Variants in RBFOX1 observed in about 807,000 individuals in gnomAD.
The protein encoded by RBFOX1 is RNA binding fox-1 homolog 1, also known as RNA binding protein fox-1 homolog 1.
Under a neutral mutation model 57.7 loss-of-function variants are expected in RBFOX1, and 8 were observed. The observed-to-expected ratio is 0.14, with a 90% CI of 0.08 to 0.25. RBFOX1 has a LOEUF of 0.25. Ranked by LOEUF, RBFOX1 falls within the 10% of genes least tolerant of loss-of-function variation. The pLI, the probability that RBFOX1 is intolerant of heterozygous loss-of-function variation, is 1.00. For synonymous variants in RBFOX1, 326 were observed against 222.4 expected, an observed-to-expected ratio of 1.47 and a Z score of -4.15; for missense variants, 611 against 548.5, an observed-to-expected ratio of 1.11 and a Z score of -1.14.
At chr16:5,581,288 C>A (rs1409179956) in intron 2 of RBFOX1, among the ~76,000 whole-genome samples, 2 of 152,188 alleles carry the variant, frequency 1.3e-5, no homozygotes, top group African/African-American at 4.8e-5. Flanking sequence ...AAGGAATAGA[C>A]TTTGGGCGGA....
chr16:7,037,062 C>T (rs553528149), intron 3 of RBFOX1, among the ~76,000 whole-genome samples: 15 of 152,174 alleles, frequency 9.9e-5, no homozygotes, highest in African/African-American at 1.4e-4. Flanking sequence ...AGGTCACCTT[C>T]GTCACCATCT....
intron 6 of RBFOX1, among the ~76,000 whole-genome samples, chr16:7,581,329 A>G (rs189152853): frequency 6.6e-5 from 10 of 152,292 alleles, no homozygotes; most frequent in Non-Finnish European, 1.3e-4. Context: ...TCAAAGTGAG[A>G]GTCGAGGTTA....
chr16:6,765,589 A>G (rs2077212877), intron 3 of RBFOX1, among the ~76,000 whole-genome samples: 1 of 152,188 alleles, frequency 6.6e-6, no homozygotes, highest in Non-Finnish European at 1.5e-5. Flanking sequence ...AACAGTACAG[A>G]GATTTTTCAA....
rs567220736 is a variant in RBFOX1, at chr16:7,392,840, T to TTTTGG, written c.28-125292_28-125288dup. Among the ~76,000 whole-genome samples, 95 of 151,046 alleles carry TTTTGG rather than the reference T, an allele frequency of 6.3e-4. 1 individual carries two copies. The East Asian group carries it at 0.016, about 25-fold the overall frequency. On this transcript the variant is annotated intron_variant, in intron 4 of 15. Coordinates refer to ENST00000550418, the MANE Select transcript of RBFOX1 (RefSeq NM_018723.4). ...TCTTTGGTGTCTTGGTTTTTTGTTG[T>TTTTGG]TTTGGTTTGGTTTGGTTTGTTTGTT... is the stretch of plus-strand genomic sequence containing the variant.
At chr16:5,605,803 G>A (rs1169414979) in intron 3 of RBFOX1, among the ~76,000 whole-genome samples, 1 of 152,046 alleles carries the variant, frequency 6.6e-6, no homozygotes, top group East Asian at 1.9e-4. Flanking sequence ...GTCTTCCTTG[G>A]TATAGGCGAG....
chr16:7,275,484 T>G (rs977261863), intron 4 of RBFOX1, among the ~76,000 whole-genome samples: 1 of 152,188 alleles, frequency 6.6e-6, no homozygotes, highest in Non-Finnish European at 1.5e-5. Context: ...TATATAAATT[T>G]TTGACATGCC....
chr16:6,825,700 A>G (rs2092031499), intron 3 of RBFOX1, among the ~76,000 whole-genome samples: 2 of 152,166 alleles, frequency 1.3e-5, no homozygotes, highest in South Asian at 4.1e-4. Context: ...AGAACCTAGT[A>G]GCAGATGAAG....
chr16:6,336,037 C>G (rs535588279), intron 2 of RBFOX1, among the ~76,000 whole-genome samples: 1 of 148,582 alleles, frequency 6.7e-6, no homozygotes, highest in Non-Finnish European at 1.5e-5. Flanking sequence ...ACCTTGGCAG[C>G]TTCTTGACTC....
At chr16:6,569,487 A>G (rs1180267996) in intron 2 of RBFOX1, among the ~76,000 whole-genome samples, 1 of 152,180 alleles carries the variant, frequency 6.6e-6, no homozygotes, top group African/African-American at 2.4e-5. Context: ...TGCTTCCCAT[A>G]GCTTATCCTT....
At chr16:6,365,723 C>T (rs144990757) in intron 2 of RBFOX1, among the ~76,000 whole-genome samples, 7 of 152,152 alleles carry the variant, frequency 4.6e-5, no homozygotes, top group African/African-American at 1.4e-4. Context: ...AGATTTAGGT[C>T]TGAGCACCAT....
chr16:5,268,813 T>C (rs2062927193), intron 1 of RBFOX1, among the ~76,000 whole-genome samples: 2 of 152,378 alleles, frequency 1.3e-5, no homozygotes, highest in Non-Finnish European at 2.9e-5. Flanking sequence ...GTTTGGGAAG[T>C]TGTTAAACTG....
chr16:5,676,810 C>T (rs959033162), intron 3 of RBFOX1, among the ~76,000 whole-genome samples: 55 of 152,058 alleles, frequency 3.6e-4, no homozygotes, highest in African/African-American at 1.3e-3. Flanking sequence ...TGCAGTGATC[C>T]GAGATTGTAC....
At chr16:6,789,898 A>G (rs1445223043) in intron 3 of RBFOX1, among the ~76,000 whole-genome samples, 2 of 151,752 alleles carry the variant, frequency 1.3e-5, no homozygotes, top group Admixed American at 6.6e-5. Flanking sequence ...CCCTTAAAAC[A>G]TATGATTTGG....
chr16:7,519,890 G>C (rs1386519376), intron 5 of RBFOX1: 2 of 316,992 alleles, frequency 6.3e-6, no homozygotes, highest in Non-Finnish European at 9.1e-6. Flanking sequence ...TTTTGTTTTT[G>C]TTTTTGTTTT....
rs190508181 is a variant in RBFOX1, at chr16:7,048,412, G to A, written c.-15-3645G>A. 2.6e-3 allele frequency among the ~76,000 whole-genome samples: 392 copies of A among 151,644 alleles called. 1 individual carries two copies. The highest frequency in any genetic ancestry group is 8.2e-3 in the African/African-American group (339 of 41,348). ...GTAGCTGGGACTACAGTCGCGTGTC[G>A]CCACACCCAGCTAATTTTTTGTATT... On this transcript the variant is annotated intron_variant, in intron 3 of 15. Coordinates refer to ENST00000550418, the MANE Select transcript of RBFOX1 (RefSeq NM_018723.4).
downstream of RBFOX1, among the ~76,000 whole-genome samples, chr16:5,602,462 C>A (rs2047397542): frequency 6.6e-6 from 1 of 152,152 alleles, no homozygotes; most frequent in African/African-American, 2.4e-5. Flanking sequence ...AAGTCCAATT[C>A]CAAGCTGCTG....
At chr16:6,927,258 G>T (rs1046073654) in intron 3 of RBFOX1, among the ~76,000 whole-genome samples, 2 of 151,382 alleles carry the variant, frequency 1.3e-5, no homozygotes, top group Non-Finnish European at 2.9e-5. Flanking sequence ...ACTAAAAATA[G>T]AGAAATTTGC....
intron 4 of RBFOX1, among the ~76,000 whole-genome samples, chr16:7,483,251 A>G (rs529845912): frequency 4.7e-4 from 72 of 152,326 alleles, no homozygotes; most frequent in Non-Finnish European, 8.4e-4. Context: ...ATGCTGTGAG[A>G]GACCTAAAGT....
chr16:5,500,402 C>G (rs974977775), intron 2 of RBFOX1, among the ~76,000 whole-genome samples: 1 of 151,984 alleles, frequency 6.6e-6, no homozygotes, highest in Non-Finnish European at 1.5e-5. Flanking sequence ...CTTTAATTTT[C>G]TGTAGAGATG....
Sources: allele counts gnomAD v4.1 joint callset (sites outside exome capture counted in the v4.1 genomes callset), GRCh38; gene constraint gnomAD v4.1.1; transcripts MANE v1.5; gene names NCBI Gene and HGNC (gene_info 2026-07-23, HGNC 2026-07-21).